The following SCAPER variants were observed in gnomAD, a reference collection of about 807,000 sequenced individuals.
SCAPER encodes the protein S phase cyclin A-associated protein in the endoplasmic reticulum.
Under a neutral mutation model 182.2 loss-of-function variants are expected in SCAPER, and 98 were observed. The observed-to-expected ratio is 0.54, with a 90% confidence interval of 0.46 to 0.64. The LOEUF is 0.64. SCAPER is among the 30% of genes least tolerant of loss of function. SCAPER has a pLI of 0.00. For missense variants in SCAPER, 1,432 were observed against 1,690.0 expected, an observed-to-expected ratio of 0.85 and a Z score of 2.68; for synonymous variants, 605 against 564.6, an observed-to-expected ratio of 1.07 and a Z score of -1.01.
chr15:76,572,550 T>C (rs187698093), intron 23 of SCAPER, among the ~76,000 whole-genome samples: 4 of 152,332 alleles, frequency 2.6e-5, no homozygotes, highest in African/African-American at 9.6e-5. Flanking sequence ...AGTTGAGCAC[T>C]ATCTTGCAAA....
intron 9 of SCAPER, among the ~76,000 whole-genome samples, chr15:76,773,069 A>G (rs901727760): frequency 2.0e-5 from 3 of 151,894 alleles, no homozygotes; most frequent in African/African-American, 7.2e-5. Context: ...TGCTATCAAC[A>G]TTATTTATAT....
intron 1 of SCAPER, among the ~76,000 whole-genome samples, chr15:76,897,581 C>T (rs572139806): frequency 6.6e-6 from 1 of 152,160 alleles, no homozygotes; most frequent in East Asian, 1.9e-4. Context: ...GTGGTATGCA[C>T]CTGAAGTCCC....
At chr15:76,432,970 A>C (rs2142523044) in intron 26 of SCAPER, among the ~76,000 whole-genome samples, 1 of 152,336 alleles carries the variant, frequency 6.6e-6, no homozygotes, top group Non-Finnish European at 1.5e-5. Context: ...CTTACACTTA[A>C]AGGGGTTACT....
At chr15:76,685,764 T>A (rs2058004138) in intron 20 of SCAPER, among the ~76,000 whole-genome samples, 1 of 151,816 alleles carries the variant, frequency 6.6e-6, no homozygotes, top group Non-Finnish European at 1.5e-5. Flanking sequence ...TTCTCCTGTG[T>A]AGGACAACAA....
chr15:76,725,026 C>T (rs1420475647), intron 17 of SCAPER, among the ~76,000 whole-genome samples: 1 of 152,086 alleles, frequency 6.6e-6, no homozygotes, highest in African/African-American at 2.4e-5. Flanking sequence ...GTTGCTCACA[C>T]TGGGAGCTGT....
chr15:76,848,546 G>A (rs1188494898), intron 4 of SCAPER, among the ~76,000 whole-genome samples: 2 of 147,874 alleles, frequency 1.4e-5, no homozygotes, highest in East Asian at 4.1e-4. Context: ...GTGTTAGCCA[G>A]GATGGTCTCG....
chr15:76,701,868 G>A lies in SCAPER; in HGVS notation c.2401-3C>T. 1 of 1,607,020 alleles carries A rather than the reference G, an allele frequency of 6.2e-7. No individual in the cohort carries two copies. Among genetic ancestry groups the A allele is most frequent in the Non-Finnish European group, 8.5e-7 (1 of 1,173,884 alleles). ...AAAAGATATACCTCTGAAGAGATCT[G>A]AAAGCACAAAATCAAAGCAATGTAA... On this transcript the variant is annotated splice_region_variant and splice_polypyrimidine_tract_variant and intron_variant, in intron 19 of 31. Transcript: ENST00000563290.
At chr15:76,650,167 T>G (rs1238676234) in intron 21 of SCAPER, among the ~76,000 whole-genome samples, 4 of 152,060 alleles carry the variant, frequency 2.6e-5, no homozygotes, top group African/African-American at 9.6e-5. Context: ...TATTTGAAAC[T>G]GAGCAAACAC....
At chr15:76,747,996 CT>C (rs71447121) in intron 15 of SCAPER, among the ~76,000 whole-genome samples, 20 of 132,416 alleles carry the variant, frequency 1.5e-4, no homozygotes, top group Middle Eastern at 3.9e-3. Flanking sequence ...TTTTTTTTTC[CT>C]TTTTTTTTTT....
intron 4 of SCAPER, among the ~76,000 whole-genome samples, chr15:76,849,179 G>A (rs1270959202): frequency 2.0e-5 from 3 of 152,150 alleles, no homozygotes. Flanking sequence ...TGCCAGCAGT[G>A]CAGCCGCCCC....
intron 27 of SCAPER, among the ~76,000 whole-genome samples, chr15:76,384,514 G>A (rs2043168233): frequency 6.6e-6 from 1 of 151,994 alleles, no homozygotes; most frequent in Admixed American, 6.6e-5. Flanking sequence ...CATTATTTAG[G>A]AAAACACTCA....
At chr15:76,756,812 T>C (rs2062462422) in intron 14 of SCAPER, among the ~76,000 whole-genome samples, 1 of 152,226 alleles carries the variant, frequency 6.6e-6, no homozygotes, top group African/African-American at 2.4e-5. Flanking sequence ...TTAATAATTA[T>C]AATTGTCATT....
intron 23 of SCAPER, among the ~76,000 whole-genome samples, chr15:76,518,368 T>G (rs1178412166): frequency 6.6e-6 from 1 of 152,194 alleles, no homozygotes. Context: ...ATAAGATATT[T>G]ATTGCAATAT....
intron 27 of SCAPER, among the ~76,000 whole-genome samples, chr15:76,392,327 TAGAC>T (rs1458583432): frequency 6.6e-6 from 1 of 152,206 alleles, no homozygotes; most frequent in Non-Finnish European, 1.5e-5. Context: ...AATAGCATCT[TAGAC>T]AAGAAGTAAG....
At chr15:76,358,986 T>G (rs2469224) in intron 29 of SCAPER, among the ~76,000 whole-genome samples, 18,554 of 152,214 alleles carry the variant, frequency 0.12, 1,536 homozygotes, top group African/African-American at 0.24. Context: ...CTTAACTAAT[T>G]TGAGCCTTAG....
chr15:76,521,704 T>C (rs752347656), intron 23 of SCAPER, among the ~76,000 whole-genome samples: 20 of 152,186 alleles, frequency 1.3e-4, no homozygotes, highest in Non-Finnish European at 1.9e-4. Context: ...TACATATTCC[T>C]CCCATAATTC....
intron 26 of SCAPER, among the ~76,000 whole-genome samples, chr15:76,412,190 T>C (rs1399720513): frequency 1.3e-5 from 2 of 152,154 alleles, no homozygotes; most frequent in African/African-American, 2.4e-5. Flanking sequence ...AGAAATCAAC[T>C]GACGAGAGGT....
intron 17 of SCAPER, 141 bp from the exon 18 acceptor site, chr15:76,706,125 A>G: frequency 1.9e-6 from 1 of 537,404 alleles, no homozygotes; most frequent in Non-Finnish European, 3.1e-6. Context: ...AGTGCCTACT[A>G]AGTCTCAGGT....
chr15:76,690,677 G>A (rs537924744), intron 20 of SCAPER, among the ~76,000 whole-genome samples: 24 of 152,088 alleles, frequency 1.6e-4, no homozygotes, highest in Admixed American at 3.9e-4. Context: ...AAGTTCACTA[G>A]AAAAGAAAAG....
Sources: allele counts gnomAD v4.1 joint callset (sites outside exome capture counted in the v4.1 genomes callset), GRCh38; gene constraint gnomAD v4.1.1; transcripts MANE v1.5; gene names NCBI Gene and HGNC (gene_info 2026-07-23, HGNC 2026-07-21).